IKZF2: variants seen among roughly 807,000 people sequenced by gnomAD.
IKZF2 encodes IKAROS family zinc finger 2.
In IKZF2, 15 loss-of-function variants were observed where a neutral mutation model predicts 49.2. The ratio of observed to expected loss-of-function variants is 0.30; its 90% confidence interval spans 0.20 to 0.47. The LOEUF is 0.47. Among genes scored for constraint, IKZF2 ranks in the 20% least tolerant of loss-of-function variants. The pLI is 1.00. For synonymous variants in IKZF2, 227 were observed against 221.4 expected (o/e 1.03, Z -0.23); for missense variants, 567 against 664.6 (o/e 0.85, Z 1.61).
At chr2:213,099,180 T>C (rs556581641) in intron 4 of IKZF2, among the ~76,000 whole-genome samples, 4 of 152,264 alleles carry the variant, frequency 2.6e-5, no homozygotes, top group African/African-American at 9.6e-5. Context: ...TTGAGGAAGC[T>C]ACATGACAAA....
Position 213,005,101 on chromosome 2 carries a change from G to A in IKZF2, c.*2259C>T, listed in dbSNP as rs1008502978. 4.2e-5 allele frequency: 6 copies of A among 142,422 alleles called. No homozygotes were observed. The highest frequency in any genetic ancestry group is 9.0e-5 in the Non-Finnish European group (6 of 66,302). 8.8% of individuals were successfully genotyped at this position (142,422 alleles called of 1,614,324 possible). ...CATCCAAATGTTTCCTTAAATTGCA[G>A]TAAAAGACAAAATTGTGAACCTTAA... On this transcript the variant is annotated 3_prime_UTR_variant, in exon 9 of 9. Coordinates refer to ENST00000434687, the MANE Select transcript of IKZF2 (RefSeq NM_001387220.1).
intron 4 of IKZF2, among the ~76,000 whole-genome samples, chr2:213,061,891 A>T (rs1047675634): frequency 6.6e-6 from 1 of 151,646 alleles, no homozygotes; most frequent in African/African-American, 2.4e-5. Context: ...ATTGAACTGA[A>T]CAATATATAA....
intron 2 of IKZF2, among the ~76,000 whole-genome samples, chr2:213,149,085 T>C (rs1023263810): frequency 6.6e-6 from 1 of 152,096 alleles, no homozygotes; most frequent in African/African-American, 2.4e-5. Flanking sequence ...CATGTTCTAA[T>C]AGGGAGGGGG....
chr2:213,061,597 T>C (rs1559222598), intron 4 of IKZF2, among the ~76,000 whole-genome samples: 1 of 151,530 alleles, frequency 6.6e-6, no homozygotes, highest in Non-Finnish European at 1.5e-5. Flanking sequence ...CATTCATTTA[T>C]AGAACTCATC....
chr2:213,074,403 G>A (rs1703034531), intron 4 of IKZF2, among the ~76,000 whole-genome samples: 1 of 152,114 alleles, frequency 6.6e-6, no homozygotes, highest in Non-Finnish European at 1.5e-5. Context: ...GTAGGCAATT[G>A]TAACCCAATG....
At chr2:213,060,452 T>C (rs972104893) in intron 4 of IKZF2, among the ~76,000 whole-genome samples, 1 of 151,376 alleles carries the variant, frequency 6.6e-6, no homozygotes, top group Admixed American at 6.6e-5. Context: ...TGAAATTAGA[T>C]TTATATGAAA....
At chr2:213,069,195 T>C (rs995165157) in intron 4 of IKZF2, among the ~76,000 whole-genome samples, 2 of 152,078 alleles carry the variant, frequency 1.3e-5, no homozygotes, top group Non-Finnish European at 2.9e-5. Context: ...AGGGATCACC[T>C]CAGCACTTCA....
chr2:213,110,087 T>C (rs905506128), intron 4 of IKZF2, among the ~76,000 whole-genome samples: 6 of 152,048 alleles, frequency 3.9e-5, no homozygotes, highest in Non-Finnish European at 8.8e-5. Context: ...ACAGTTCCAC[T>C]GGCAAACAGT....
rs1475557051 is a variant in IKZF2 at position 213,058,785 on chromosome 2, C to G, written c.140-1686G>C. Among the ~76,000 whole-genome samples, 4 of 151,852 alleles carry G rather than the reference C, an allele frequency of 2.6e-5. No individual in the cohort carries two copies. The East Asian group carries it at 7.7e-4, about 29-fold the overall frequency. On this transcript the variant is annotated intron_variant, in intron 4 of 8. Transcript: ENST00000434687. Reference sequence around the variant, plus strand: ...TAAGAGTTTTATTGCTTTAAACTTGCTTTGTATGTTTAAAGAACCCATAAA... The same window carrying G: ...TAAGAGTTTTATTGCTTTAAACTTGGTTTGTATGTTTAAAGAACCCATAAA...
intron 4 of IKZF2, among the ~76,000 whole-genome samples, chr2:213,112,521 T>G (rs1574887450): frequency 6.6e-6 from 1 of 151,244 alleles, no homozygotes; most frequent in Non-Finnish European, 1.5e-5. Flanking sequence ...GATTGTGCAG[T>G]GGCACGATCA....
intron 6 of IKZF2, among the ~76,000 whole-genome samples, chr2:213,040,330 G>A (rs181453196): frequency 2.0e-5 from 3 of 149,240 alleles, no homozygotes; most frequent in Non-Finnish European, 3.0e-5. Context: ...TCTCTCCTTC[G>A]TCCCACCCTC....
chr2:213,036,359 G>A (rs558015368), intron 6 of IKZF2, among the ~76,000 whole-genome samples: 11 of 152,148 alleles, frequency 7.2e-5, no homozygotes, highest in Non-Finnish European at 1.5e-4. Context: ...GCAAAATAAG[G>A]CCCTTAACAT....
At chr2:213,132,663 A>AAAT (rs2060512359) in intron 4 of IKZF2, among the ~76,000 whole-genome samples, 1 of 152,174 alleles carries the variant, frequency 6.6e-6, no homozygotes, top group Non-Finnish European at 1.5e-5. Flanking sequence ...TTATACAAGT[A>AAAT]AATAAGTCCA....
chr2:213,134,560 C>A (rs184370379), intron 4 of IKZF2, among the ~76,000 whole-genome samples: 1 of 152,334 alleles, frequency 6.6e-6, no homozygotes, highest in East Asian at 1.9e-4. Context: ...GCACCACTAA[C>A]TTTTATCCTG....
At chr2:213,124,319 A>T (rs2060182970) in intron 4 of IKZF2, among the ~76,000 whole-genome samples, 1 of 150,702 alleles carries the variant, frequency 6.6e-6, no homozygotes, top group African/African-American at 2.4e-5. Flanking sequence ...AGAACTTGGA[A>T]GCCTGATATT....
At chr2:213,049,243 A>G (rs892452833) in intron 6 of IKZF2, among the ~76,000 whole-genome samples, 1 of 152,094 alleles carries the variant, frequency 6.6e-6, no homozygotes, top group Non-Finnish European at 1.5e-5. Flanking sequence ...TCGAAAAGCC[A>G]ATTTTCTGAG....
At chr2:213,040,008 T>C (rs1048843225) in intron 6 of IKZF2, among the ~76,000 whole-genome samples, 13 of 152,104 alleles carry the variant, frequency 8.5e-5, no homozygotes, top group African/African-American at 3.1e-4. Context: ...AATGAATAAA[T>C]GTCTTTGGGA....
At chr2:213,016,808 T>C (rs536026566) in intron 7 of IKZF2, 3 of 152,242 alleles carry the variant, frequency 2.0e-5, no homozygotes, top group African/African-American at 7.2e-5. Flanking sequence ...AACCAAACAG[T>C]TCACCCAAAT....
chr2:213,033,171 A>T (rs1307526345), intron 6 of IKZF2, among the ~76,000 whole-genome samples: 1 of 152,152 alleles, frequency 6.6e-6, no homozygotes, highest in African/African-American at 2.4e-5. Context: ...TTATAACGAG[A>T]CTGCAGTAAT....
Sources: gnomAD v4.1 joint callset for allele counts (sites outside exome capture counted in the v4.1 genomes callset) on GRCh38, gnomAD v4.1.1 for gene constraint, MANE v1.5 for transcripts, NCBI Gene and HGNC (gene_info 2026-07-23, HGNC 2026-07-21) for gene names.